DDX60: variants seen among roughly 807,000 people sequenced by gnomAD.
DDX60 encodes the protein probable ATP-dependent RNA helicase DDX60.
In DDX60, 165 loss-of-function variants were observed where a neutral mutation model predicts 212.8. The ratio of observed to expected loss-of-function variants is 0.78; its 90% confidence interval spans 0.68 to 0.88. DDX60 has a LOEUF of 0.88. DDX60 is among the 40% of genes least tolerant of loss of function. The pLI is 0.00. For missense variants in DDX60, 1,905 were observed against 2,003.9 expected (o/e 0.95, Z 0.94); for synonymous variants, 703 against 685.3 (o/e 1.03, Z -0.40).
chr4:168,260,754 A>G, intron 25 of DDX60, 111 bp downstream of exon 25: 1 of 977,494 alleles, frequency 1.0e-6, no homozygotes, highest in East Asian at 2.4e-5. Flanking sequence ...TTCCTAACAG[A>G]CCATGGGCTG....
At chr4:168,243,657 AGTGT>A (rs1199843320) in intron 30 of DDX60, among the ~76,000 whole-genome samples, 5 of 152,222 alleles carry the variant, frequency 3.3e-5, no homozygotes, top group Non-Finnish European at 7.3e-5. Flanking sequence ...TGTTGCTGGG[AGTGT>A]AAATCAGTCC....
At chr4:168,241,698 A>C (rs1343287226) in intron 30 of DDX60, among the ~76,000 whole-genome samples, 8 of 152,184 alleles carry the variant, frequency 5.3e-5, no homozygotes, top group East Asian at 1.9e-4. Context: ...ATTCCGTTTT[A>C]TAAGGGAAGC....
At chr4:168,300,334 G>A (rs1345112730) in intron 6 of DDX60, among the ~76,000 whole-genome samples, 3 of 152,126 alleles carry the variant, frequency 2.0e-5, no homozygotes, top group Non-Finnish European at 2.9e-5. Flanking sequence ...GAGTTCAGTA[G>A]TTCAAGACCA....
At chr4:168,258,937 T>C (rs908565545) in intron 25 of DDX60, among the ~76,000 whole-genome samples, 3 of 152,194 alleles carry the variant, frequency 2.0e-5, no homozygotes, top group African/African-American at 4.8e-5. Flanking sequence ...CTAAAAAACC[T>C]TGTTAAACTA....
At chr4:168,288,377 T>A in intron 8 of DDX60, 62 bp from the exon 9 acceptor site, 1 of 1,171,454 alleles carries the variant, frequency 8.5e-7, no homozygotes, top group Non-Finnish European at 1.2e-6. Flanking sequence ...AACTATAGGG[T>A]TCATATGCTT....
chr4:168,263,355 CA>C (rs1199874351), intron 22 of DDX60, among the ~76,000 whole-genome samples: 2 of 152,212 alleles, frequency 1.3e-5, no homozygotes, highest in East Asian at 3.9e-4. Flanking sequence ...ATTTTTTCCA[CA>C]AATATTTTTA....
chr4:168,238,436 AGGG>A, intron 30 of DDX60, among the ~76,000 whole-genome samples: 1 of 32,122 alleles, frequency 3.1e-5, no homozygotes, highest in East Asian at 9.6e-4. Context: ...AGGGAAGGGA[AGGG>A]AAGGGAAGGG....
At position 168,285,456 on chromosome 4, in the gene DDX60, G is replaced by C; in HGVS notation, c.1382C>G (p.Thr461Arg). The C allele has an allele frequency of 6.2e-7, 1 of 1,610,270 alleles. No individual in the cohort carries two copies. Among genetic ancestry groups the C allele is most frequent in the Non-Finnish European group, 8.5e-7 (1 of 1,178,886 alleles). ...AAATTTATCAACCACAAAAGATGACGTTGGAATAAAACCCAAATTGGGCAC... is the reference window on the plus strand; with the variant it reads ...AAATTTATCAACCACAAAAGATGACCTTGGAATAAAACCCAAATTGGGCAC... ...EMVPNLGFIP[T>R]SSFVVDKFAG... The change falls in exon 11 of 38, where the codon ACG becomes AGG. Residue 461 changes from threonine (T) to arginine (R), a missense_variant. By Grantham distance (71) the Thr-to-Arg change is moderately conservative (BLOSUM62 -1). Coordinates refer to ENST00000393743, the MANE Select transcript of DDX60 (RefSeq NM_017631.6).
intron 26 of DDX60, among the ~76,000 whole-genome samples, chr4:168,255,198 T>C (rs7665883): frequency 0.1 from 15,666 of 152,138 alleles, 1,803 homozygotes; most frequent in African/African-American, 0.28. Flanking sequence ...TTGACAGAAT[T>C]AGACATTGAG....
intron 13 of DDX60, 58 bp from the exon 14 acceptor site, chr4:168,280,648 G>A: frequency 6.6e-7 from 1 of 1,524,968 alleles, no homozygotes; most frequent in South Asian, 1.3e-5. Context: ...AAGATAACAG[G>A]TCATGAGTGA....
chr4:168,309,435 A>C (rs1245177178), intron 3 of DDX60, among the ~76,000 whole-genome samples: 1 of 152,162 alleles, frequency 6.6e-6, no homozygotes, highest in South Asian at 2.1e-4. Flanking sequence ...ATTGTAAAAA[A>C]ATTTTTTTAA....
chr4:168,220,204 C>T (rs185635078), intron 37 of DDX60, among the ~76,000 whole-genome samples: 16 of 152,174 alleles, frequency 1.1e-4, no homozygotes, highest in Admixed American at 4.6e-4. Context: ...CAGAGTCAGA[C>T]GGAGCCTGGA....
chr4:168,257,191 A>T (rs1734448582), intron 25 of DDX60, among the ~76,000 whole-genome samples: 1 of 152,196 alleles, frequency 6.6e-6, no homozygotes, highest in East Asian at 1.9e-4. Flanking sequence ...ACATGCCTGT[A>T]ATCCCAGCTT....
At chr4:168,220,617 T>TA (rs752066038) in intron 37 of DDX60, 38 bp downstream of exon 37, 15 of 1,134,194 alleles carry the variant, frequency 1.3e-5, no homozygotes, top group Non-Finnish European at 1.8e-5. Context: ...AATAAATTAT[T>TA]AAAAAATCTA....
intron 19 of DDX60, among the ~76,000 whole-genome samples, 162 bp downstream of exon 19, chr4:168,271,881 C>T (rs543172081): frequency 9.9e-5 from 15 of 151,074 alleles, no homozygotes; most frequent in African/African-American, 3.6e-4. Flanking sequence ...AAAAGGGAGC[C>T]AAAAAAGTGA....
Position 168,311,369 on chromosome 4 carries a change from C to A in DDX60, c.-106-4G>T. On this transcript the variant is annotated splice_polypyrimidine_tract_variant and splice_region_variant and intron_variant, in intron 1 of 37. Coordinates refer to ENST00000393743, the MANE Select transcript of DDX60 (RefSeq NM_017631.6). Reference sequence around the variant, plus strand: ...GTTCTTAATGAAAATGGCAGTCCTGCAAAAAAAGAAAAGAAAATGAGTCTT... The same window carrying A: ...GTTCTTAATGAAAATGGCAGTCCTGAAAAAAAAGAAAAGAAAATGAGTCTT... The A allele has an allele frequency of 2.6e-6, 3 of 1,142,134 alleles. No homozygotes were observed. The highest frequency in any genetic ancestry group is 1.4e-5 in the South Asian group (1 of 69,970). 70.7% of individuals were successfully genotyped at this position (1,142,134 alleles called of 1,614,324 possible).
chr4:168,254,822 A>G (rs1734342871), intron 26 of DDX60, among the ~76,000 whole-genome samples: 1 of 152,192 alleles, frequency 6.6e-6, no homozygotes, highest in Non-Finnish European at 1.5e-5. Flanking sequence ...GGAAAGGAAG[A>G]GGTAGAAAAG....
chr4:168,305,481 GGAT>G (rs1257861251), intron 5 of DDX60, among the ~76,000 whole-genome samples: 16 of 151,476 alleles, frequency 1.1e-4, no homozygotes, highest in Admixed American at 7.9e-4. Flanking sequence ...AGCAGAAACT[GGAT>G]GTATTTATAA....
intron 30 of DDX60, among the ~76,000 whole-genome samples, chr4:168,242,578 G>C (rs1006307450): frequency 1.3e-5 from 2 of 152,130 alleles, no homozygotes; most frequent in Admixed American, 1.3e-4. Context: ...TGGGGCCTGT[G>C]GTGCCTTTGA....
Sources: gnomAD v4.1 joint callset for allele counts (sites outside exome capture counted in the v4.1 genomes callset) on GRCh38, gnomAD v4.1.1 for gene constraint, MANE v1.5 for transcripts, NCBI Gene and HGNC (gene_info 2026-07-23, HGNC 2026-07-21) for gene names.